SOX5: variants seen among roughly 807,000 people sequenced by gnomAD.
The protein encoded by SOX5 is transcription factor SOX-5.
SOX5 carries 9 observed loss-of-function variants against 92.0 expected under a neutral mutation model. The observed-to-expected ratio is 0.10, with a 90% CI of 0.06 to 0.17. SOX5 has a LOEUF of 0.17. Ranked by LOEUF, SOX5 falls within the 10% of genes least tolerant of loss-of-function variation. The pLI is 1.00. For synonymous variants in SOX5, 344 were observed against 336.3 expected (o/e 1.02, Z -0.25); for missense variants, 642 against 944.5 (o/e 0.68, Z 4.20).
chr12:23,535,966 AC>A (rs769994655), intron 14 of SOX5, among the ~76,000 whole-genome samples: 1 of 152,156 alleles, frequency 6.6e-6, no homozygotes, highest in Non-Finnish European at 1.5e-5. Flanking sequence ...ACCTTGTTAC[AC>A]CCTAAATATA....
chr12:23,938,178 G>A (rs1200204765), intron 1 of SOX5, among the ~76,000 whole-genome samples: 1 of 150,874 alleles, frequency 6.6e-6, no homozygotes, highest in African/African-American at 2.4e-5. Context: ...CAGCACTTTG[G>A]ATGGCTTCTG....
At chr12:24,142,087 C>T (rs1181546359) in intron 4 of SOX5, among the ~76,000 whole-genome samples, 2 of 152,070 alleles carry the variant, frequency 1.3e-5, no homozygotes, top group Non-Finnish European at 2.9e-5. Context: ...AAAATTTCTC[C>T]TTTTTCTGCT....
At chr12:24,484,090 G>A (rs2137848322) in intron 1 of SOX5, among the ~76,000 whole-genome samples, 1 of 152,208 alleles carries the variant, frequency 6.6e-6, no homozygotes, top group African/African-American at 2.4e-5. Context: ...AGAGTCCCAG[G>A]TCTCAAAAGC....
At chr12:24,245,370 G>T (rs1380653518) in intron 3 of SOX5, among the ~76,000 whole-genome samples, 2 of 234 alleles carry the variant, frequency 8.5e-3, no homozygotes, top group African/African-American at 0.016. Flanking sequence ...ATAAATTAAT[G>T]AATAAAACTA....
intron 6 of SOX5, among the ~76,000 whole-genome samples, chr12:23,683,594 A>T (rs1043851016): frequency 4.6e-5 from 7 of 151,978 alleles, no homozygotes; most frequent in African/African-American, 1.7e-4. Flanking sequence ...CCTGATCCTC[A>T]TCACAGGAAA....
At chr12:23,652,396 C>A (rs2081698567) in intron 7 of SOX5, among the ~76,000 whole-genome samples, 1 of 152,008 alleles carries the variant, frequency 6.6e-6, no homozygotes, top group African/African-American at 2.4e-5. Flanking sequence ...TAATCCTTGG[C>A]ACTTGGTTCT....
chr12:23,876,893 A>G (rs893156662), intron 2 of SOX5, among the ~76,000 whole-genome samples: 11 of 152,162 alleles, frequency 7.2e-5, no homozygotes, highest in Non-Finnish European at 1.6e-4. Context: ...CTAACACAGA[A>G]ACAGAAAACC....
At chr12:24,190,387 T>C (rs1179424160) in intron 4 of SOX5, among the ~76,000 whole-genome samples, 1 of 152,236 alleles carries the variant, frequency 6.6e-6, no homozygotes, top group Non-Finnish European at 1.5e-5. Context: ...ATGCAATAGA[T>C]GCATTCCTGC....
intron 3 of SOX5, among the ~76,000 whole-genome samples, chr12:23,809,915 A>G (rs990028198): frequency 5.9e-5 from 9 of 152,100 alleles, no homozygotes; most frequent in African/African-American, 2.2e-4. Context: ...TATATAGTAA[A>G]TGCCTCTTAT....
chr12:24,402,584 T>C (rs187649505), intron 1 of SOX5, among the ~76,000 whole-genome samples: 8 of 152,340 alleles, frequency 5.3e-5, no homozygotes, highest in Admixed American at 3.3e-4. Flanking sequence ...CTAAAGCTTA[T>C]ACAATTTGGG....
At chr12:23,784,457 G>C (rs2095341695) in intron 3 of SOX5, among the ~76,000 whole-genome samples, 1 of 152,136 alleles carries the variant, frequency 6.6e-6, no homozygotes, top group South Asian at 2.1e-4. Context: ...CTCCCGAGTA[G>C]CTGGCACTAC....
At chr12:24,323,159 G>C (rs1005074571) in intron 2 of SOX5, among the ~76,000 whole-genome samples, 5 of 151,842 alleles carry the variant, frequency 3.3e-5, no homozygotes, top group Non-Finnish European at 7.4e-5. Context: ...ATCTGTTCTA[G>C]TTAAGCCTTA....
intron 10 of SOX5, among the ~76,000 whole-genome samples, chr12:23,568,884 A>T (rs1947631272): frequency 1.1e-5 from 1 of 91,790 alleles, no homozygotes; most frequent in Non-Finnish European, 2.6e-5. Flanking sequence ...AGCATTTAAG[A>T]ATATCTCAAA....
intron 4 of SOX5, among the ~76,000 whole-genome samples, chr12:24,104,164 G>A (rs757976620): frequency 2.6e-4 from 40 of 152,100 alleles, no homozygotes; most frequent in Non-Finnish European, 4.4e-4. Context: ...AAGCAAGAAA[G>A]TTTATGGAAT....
intron 4 of SOX5, among the ~76,000 whole-genome samples, chr12:24,202,786 G>A (rs923856103): frequency 6.6e-6 from 1 of 152,154 alleles, no homozygotes; most frequent in Admixed American, 6.6e-5. Flanking sequence ...GCCTTTCTCA[G>A]TGAATCATAT....
chr12:24,480,508 C>T (rs1566270428), intron 1 of SOX5, among the ~76,000 whole-genome samples: 1 of 152,026 alleles, frequency 6.6e-6, no homozygotes, highest in Non-Finnish European at 1.5e-5. Flanking sequence ...AAACTACCCA[C>T]CTGACAAGAG....
chr12:23,779,068 G>T (rs2095197469), intron 3 of SOX5, among the ~76,000 whole-genome samples: 1 of 152,140 alleles, frequency 6.6e-6, no homozygotes, highest in South Asian at 2.1e-4. Context: ...TGGCTTCACT[G>T]CTTCCAGCAT....
At chr12:24,258,716 G>C (rs1941628292) in intron 3 of SOX5, among the ~76,000 whole-genome samples, 1 of 152,142 alleles carries the variant, frequency 6.6e-6, no homozygotes, top group Non-Finnish European at 1.5e-5. Flanking sequence ...TATCATCTTA[G>C]CTACAAGATT....
At chr12:24,385,581 C>CA (rs146191028) in intron 1 of SOX5, among the ~76,000 whole-genome samples, 17,191 of 151,928 alleles carry the variant, frequency 0.11, 1,220 homozygotes, top group Non-Finnish European at 0.17. Flanking sequence ...CCAGGAATGG[C>CA]AAAAAAACTT....
Sources: allele counts gnomAD v4.1 joint callset (sites outside exome capture counted in the v4.1 genomes callset), GRCh38; gene constraint gnomAD v4.1.1; transcripts MANE v1.5; gene names NCBI Gene and HGNC (gene_info 2026-07-23, HGNC 2026-07-21).